CSMD1: variants seen among roughly 807,000 people sequenced by gnomAD.
CSMD1 encodes CUB and sushi domain-containing protein 1.
Under a neutral mutation model 417.5 loss-of-function variants are expected in CSMD1, and 213 were observed. The ratio of observed to expected loss-of-function variants is 0.51; its 90% CI spans 0.46 to 0.57. The LOEUF (loss-of-function observed/expected upper bound fraction) is 0.57. Among genes scored for constraint, CSMD1 ranks in the 20% least tolerant of loss-of-function variants. CSMD1 has a pLI of 0.00. For missense variants in CSMD1, 6,923 were observed against 4,529.7 expected (o/e 1.53, Z -15.17); for synonymous variants, 2,862 against 1,736.8 (o/e 1.65, Z -16.11).
intron 2 of CSMD1, among the ~76,000 whole-genome samples, chr8:4,636,350 G>T (rs934689635): frequency 6.6e-6 from 1 of 152,074 alleles, no homozygotes; most frequent in African/African-American, 2.4e-5. Flanking sequence ...GAAATGTTTT[G>T]CTTTCTTCAT....
intron 2 of CSMD1, among the ~76,000 whole-genome samples, chr8:4,516,298 G>A (rs868339911): frequency 3.3e-5 from 5 of 152,106 alleles, no homozygotes; most frequent in African/African-American, 4.8e-5. Flanking sequence ...CACTGACACC[G>A]TGATCTTGGA....
At chr8:3,481,998 T>C (rs2117247626) in intron 11 of CSMD1, among the ~76,000 whole-genome samples, 1 of 152,350 alleles carries the variant, frequency 6.6e-6, no homozygotes, top group African/African-American at 2.4e-5. Flanking sequence ...ATATGTTTAT[T>C]GTAATGCCCA....
intron 47 of CSMD1, among the ~76,000 whole-genome samples, chr8:3,093,370 A>G (rs549643887): frequency 6.6e-6 from 1 of 152,326 alleles, no homozygotes; most frequent in African/African-American, 2.4e-5. Context: ...TTGTGAGAAC[A>G]TAAATTTCTG....
intron 3 of CSMD1, among the ~76,000 whole-genome samples, chr8:4,181,348 G>C (rs1798360275): frequency 6.7e-6 from 1 of 149,866 alleles, no homozygotes; most frequent in South Asian, 2.1e-4. Flanking sequence ...CAATGGTACG[G>C]TTTCTCATTT....
At chr8:3,383,033 T>C (rs1205980509) in intron 18 of CSMD1, among the ~76,000 whole-genome samples, 1 of 152,182 alleles carries the variant, frequency 6.6e-6, no homozygotes, top group Non-Finnish European at 1.5e-5. Context: ...CAAATACCAA[T>C]GATGCCAGCG....
In CSMD1 at chr8:3,958,723, G is replaced by C. The variant is rs910218876; in HGVS notation, c.818+39180C>G. Among the ~76,000 whole-genome samples the C allele has an allele frequency of 2.6e-5, 4 of 152,294 alleles. No individual in the cohort carries two copies. The East Asian group carries it at 5.8e-4, about 22-fold the overall frequency. ...ACTGAGGGTCAAACATGAGGCTTTT[G>C]TGGTTTAAATACTATGGGTGAGGTC... On this transcript the variant is annotated intron_variant, in intron 5 of 69. Transcript: ENST00000635120.
At chr8:4,398,650 C>A (rs971080358) in intron 3 of CSMD1, among the ~76,000 whole-genome samples, 1 of 152,092 alleles carries the variant, frequency 6.6e-6, no homozygotes, top group African/African-American at 2.4e-5. Flanking sequence ...CCCTCTTGGC[C>A]TCCCAAAGTG....
At chr8:3,830,269 A>T (rs1802299071) in intron 5 of CSMD1, among the ~76,000 whole-genome samples, 1 of 152,220 alleles carries the variant, frequency 6.6e-6, no homozygotes, top group Admixed American at 6.5e-5. Context: ...CAGCACAGTT[A>T]GTCACATTAC....
intron 5 of CSMD1, among the ~76,000 whole-genome samples, chr8:3,990,380 C>T (rs992818846): frequency 2.6e-5 from 4 of 152,054 alleles, no homozygotes; most frequent in Non-Finnish European, 5.9e-5. Flanking sequence ...CAACTCTGCC[C>T]TAAGAATGGT....
intron 10 of CSMD1, among the ~76,000 whole-genome samples, chr8:3,537,188 G>A (rs1014466230): frequency 1.3e-5 from 2 of 152,002 alleles, no homozygotes; most frequent in South Asian, 4.1e-4. Flanking sequence ...TATTTTAAGA[G>A]ACAGGTTTCA....
intron 5 of CSMD1, among the ~76,000 whole-genome samples, chr8:3,932,297 C>G (rs778062239): frequency 6.6e-6 from 1 of 150,572 alleles, no homozygotes; most frequent in East Asian, 1.9e-4. Context: ...AGTTTTGTTG[C>G]TCAGTTAAAC....
intron 5 of CSMD1, among the ~76,000 whole-genome samples, chr8:3,985,709 G>C (rs571925306): frequency 2.9e-4 from 44 of 151,610 alleles, no homozygotes; most frequent in African/African-American, 9.4e-4. Flanking sequence ...GTAACAACTT[G>C]ATTCAAGAAG....
rs369615714 is a variant in CSMD1, at chr8:4,879,360, T to C, written c.85+114972A>G. On this transcript the variant is annotated intron_variant, in intron 1 of 69. Coordinates refer to ENST00000635120, the MANE Select transcript of CSMD1 (RefSeq NM_033225.6). ...AGTTAGGAAAGTGAGATGGGAGAAA[T>C]GGTTATGAATAAATGGCATGAGTAA... 1.3e-3 allele frequency among the ~76,000 whole-genome samples: 195 copies of C among 152,010 alleles called. 1 individual carries two copies. Among genetic ancestry groups the C allele is most frequent in the African/African-American group, 4.5e-3 (186 of 41,410 alleles).
At chr8:2,968,039 G>A (rs962202851) in intron 57 of CSMD1, among the ~76,000 whole-genome samples, 2 of 152,174 alleles carry the variant, frequency 1.3e-5, no homozygotes, top group African/African-American at 4.8e-5. Context: ...AGACCTATTA[G>A]TAGTTTCCTG....
At chr8:4,332,361 T>A (rs1357484080) in intron 3 of CSMD1, among the ~76,000 whole-genome samples, 2 of 152,056 alleles carry the variant, frequency 1.3e-5, no homozygotes, top group Non-Finnish European at 2.9e-5. Context: ...AAGACAGCAT[T>A]GCACTCAAAT....
intron 10 of CSMD1, among the ~76,000 whole-genome samples, chr8:3,571,129 G>C (rs1799925498): frequency 1.3e-5 from 2 of 152,168 alleles, no homozygotes; most frequent in African/African-American, 4.8e-5. Context: ...TCTCACGACA[G>C]CTGAGGCAAA....
At chr8:4,674,788 C>T (rs536442380) in intron 1 of CSMD1, among the ~76,000 whole-genome samples, 20 of 152,114 alleles carry the variant, frequency 1.3e-4, no homozygotes, top group Non-Finnish European at 2.4e-4. Context: ...AATCGTGTCC[C>T]CCTCCAAAAT....
chr8:4,701,839 T>G (rs1239031830), intron 1 of CSMD1, among the ~76,000 whole-genome samples: 2 of 152,154 alleles, frequency 1.3e-5, no homozygotes, highest in Non-Finnish European at 2.9e-5. Flanking sequence ...AAGAATCCCA[T>G]GCAACTCCAT....
rs902183963 is a variant in CSMD1 at position 3,911,489 on chromosome 8, C to A, written c.818+86414G>T. 2.3e-4 allele frequency among the ~76,000 whole-genome samples: 35 copies of A among 149,082 alleles called. No homozygotes were observed. The East Asian group carries it at 6.7e-3, about 29-fold the overall frequency. On this transcript the variant is annotated intron_variant, in intron 5 of 69. Transcript: ENST00000635120. ...CCTGCAGTGAGCCAAGATTGCGCCACTGCACTCCAGCCTGGGCAACAGAGC... is the reference window on the plus strand; with the variant it reads ...CCTGCAGTGAGCCAAGATTGCGCCAATGCACTCCAGCCTGGGCAACAGAGC...
Sources: gnomAD v4.1 joint callset for allele counts (sites outside exome capture counted in the v4.1 genomes callset) on GRCh38, gnomAD v4.1.1 for gene constraint, MANE v1.5 for transcripts, NCBI Gene and HGNC (gene_info 2026-07-23, HGNC 2026-07-21) for gene names.